The following AGBL4 variants were observed in gnomAD, a reference collection of about 807,000 sequenced individuals.
The protein encoded by AGBL4 is cytosolic carboxypeptidase 6.
A neutral mutation model predicts 66.4 loss-of-function variants in AGBL4; 58 were observed. The observed-to-expected ratio is 0.87, with a 90% CI of 0.71 to 1.09. The LOEUF is 1.09. Among genes scored for constraint, AGBL4 ranks in the 50% least tolerant of loss-of-function variants. The pLI is 0.00. For synonymous variants in AGBL4, 234 were observed against 222.9 expected, an observed-to-expected ratio of 1.05 and a Z score of -0.44; for missense variants, 579 against 631.0, an observed-to-expected ratio of 0.92 and a Z score of 0.88.
At chr1:49,679,497 CTT>C (rs1459685834) in intron 3 of AGBL4, among the ~76,000 whole-genome samples, 1 of 152,038 alleles carries the variant, frequency 6.6e-6, no homozygotes, top group African/African-American at 2.4e-5. Flanking sequence ...GCATCTCTCT[CTT>C]TTATTTAGTC....
At chr1:49,878,952 A>T (rs1198460089) in intron 1 of AGBL4, among the ~76,000 whole-genome samples, 22 of 99,508 alleles carry the variant, frequency 2.2e-4, no homozygotes, top group South Asian at 1.2e-3. Context: ...GTTGGTTTAA[A>T]GTCTGTTTTA....
chr1:49,107,958 A>T (rs1645331304), intron 4 of AGBL4, among the ~76,000 whole-genome samples: 1 of 152,186 alleles, frequency 6.6e-6, no homozygotes, highest in South Asian at 2.1e-4. Context: ...GCTTTGTGCT[A>T]ATTTTACTTG....
chr1:48,685,261 A>G (rs945746311), intron 6 of AGBL4, among the ~76,000 whole-genome samples: 1 of 152,270 alleles, frequency 6.6e-6, no homozygotes, highest in Non-Finnish European at 1.5e-5. Flanking sequence ...TTTAAATTAA[A>G]AAATAATGTC....
At chr1:49,237,515 TATATATATATATATATATA>T (rs1650865394) in intron 4 of AGBL4, among the ~76,000 whole-genome samples, 5 of 136,660 alleles carry the variant, frequency 3.7e-5, no homozygotes, top group African/African-American at 1.5e-4. Context: ...TATTACATTA[TATATATATATATATATATA>T]TATATATATA....
intron 4 of AGBL4, among the ~76,000 whole-genome samples, chr1:49,149,222 C>G (rs940394006): frequency 2.6e-5 from 4 of 152,304 alleles, no homozygotes; most frequent in Middle Eastern, 3.4e-3. Context: ...CCAGAAGTAG[C>G]TGTCCCTATC....
rs964259918 is a variant in AGBL4, at chr1:49,963,919, G to C, written c.34+59844C>G. Reference sequence around the variant, plus strand: ...TGCAATGGAATAATAACTAAGAATGGAATGGAAAGCTGAGTGTCATAAGAA... The same window carrying C: ...TGCAATGGAATAATAACTAAGAATGCAATGGAAAGCTGAGTGTCATAAGAA... On this transcript the variant is annotated intron_variant, in intron 1 of 13. Coordinates refer to ENST00000371839, the MANE Select transcript of AGBL4 (RefSeq NM_032785.4). 5.3e-5 allele frequency among the ~76,000 whole-genome samples: 8 copies of C among 151,992 alleles called. No homozygotes were observed. In the East Asian group the frequency reaches 1.2e-3, roughly 22 times the overall value.
intron 3 of AGBL4, among the ~76,000 whole-genome samples, chr1:49,506,643 A>C (rs1648714826): frequency 6.6e-6 from 1 of 151,724 alleles, no homozygotes; most frequent in South Asian, 2.1e-4. Flanking sequence ...AGTCAATTAA[A>C]CCTCTTTTCT....
the AGBL4 span, among the ~76,000 whole-genome samples, chr1:48,527,700 T>C: frequency 6.6e-6 from 1 of 151,276 alleles, no homozygotes; most frequent in East Asian, 2.0e-4. Context: ...TATCATGAAG[T>C]TGGGACACAT....
Position 49,462,049 on chromosome 1 carries a change from T to C in AGBL4, c.283-216185A>G, listed in dbSNP as rs188626053. Among the ~76,000 whole-genome samples, 535 of 151,892 alleles carry C rather than the reference T, an allele frequency of 3.5e-3. 3 individuals carry two copies. The highest frequency in any genetic ancestry group is 5.3e-3 in the Non-Finnish European group (361 of 67,850). ...AGATCCTTGAGGAATCACCACACCATCTTCCACAATATTAGCTGTGTGACT... is the reference window on the plus strand; with the variant it reads ...AGATCCTTGAGGAATCACCACACCACCTTCCACAATATTAGCTGTGTGACT... On this transcript the variant is annotated intron_variant, in intron 3 of 13. Transcript: ENST00000371839.
chr1:48,541,526 C>G (rs1644069027), intron 11 of AGBL4, among the ~76,000 whole-genome samples: 1 of 152,200 alleles, frequency 6.6e-6, no homozygotes, highest in African/African-American at 2.4e-5. Context: ...AATCTCAGCA[C>G]TTTGGGAGGC....
intron 3 of AGBL4, among the ~76,000 whole-genome samples, chr1:49,510,884 A>G (rs1039016935): frequency 2.0e-5 from 3 of 149,396 alleles, no homozygotes; most frequent in African/African-American, 7.4e-5. Context: ...GTCAAAGATC[A>G]GATAGTTGTA....
intron 3 of AGBL4, among the ~76,000 whole-genome samples, chr1:49,505,169 C>G (rs1175184707): frequency 2.0e-5 from 3 of 151,986 alleles, no homozygotes; most frequent in African/African-American, 7.2e-5. Context: ...CACTTTACAT[C>G]TTTTTATAAT....
intron 3 of AGBL4, among the ~76,000 whole-genome samples, chr1:49,431,618 T>A (rs1645788139): frequency 6.6e-6 from 1 of 152,172 alleles, no homozygotes; most frequent in African/African-American, 2.4e-5. Context: ...ATTTTGTACA[T>A]CTCCATTGTA....
chr1:48,546,280 C>T (rs149542295), intron 11 of AGBL4, among the ~76,000 whole-genome samples: 28 of 152,326 alleles, frequency 1.8e-4, no homozygotes, highest in Admixed American at 4.6e-4. Flanking sequence ...AGCATACGAA[C>T]TTCAGTGTCT....
At chr1:49,329,146 A>C (rs1645280444) in intron 3 of AGBL4, among the ~76,000 whole-genome samples, 1 of 151,110 alleles carries the variant, frequency 6.6e-6, no homozygotes, top group African/African-American at 2.4e-5. Flanking sequence ...GTCTCTACTA[A>C]ATATACAAAA....
At chr1:49,982,579 G>A (rs1659145244) in intron 1 of AGBL4, among the ~76,000 whole-genome samples, 1 of 152,190 alleles carries the variant, frequency 6.6e-6, no homozygotes, top group Non-Finnish European at 1.5e-5. Context: ...CCCCAATGAA[G>A]CCCCACCTTC....
chr1:49,384,524 C>T (rs1215605427), intron 3 of AGBL4, among the ~76,000 whole-genome samples: 4 of 151,796 alleles, frequency 2.6e-5, no homozygotes, highest in African/African-American at 4.8e-5. Context: ...ACCTGGGAGG[C>T]GGAGGTTGCA....
intron 9 of AGBL4, among the ~76,000 whole-genome samples, chr1:48,592,659 T>A (rs1414896564): frequency 6.6e-6 from 1 of 152,010 alleles, no homozygotes; most frequent in Non-Finnish European, 1.5e-5. Context: ...AAGGAGGAGG[T>A]AGAAAGATGA....
At chr1:48,786,559 G>A (rs915965145) in intron 6 of AGBL4, among the ~76,000 whole-genome samples, 25 of 152,290 alleles carry the variant, frequency 1.6e-4, no homozygotes, top group African/African-American at 5.8e-4. Context: ...GGAAAGTCCA[G>A]TATCTACCAT....
Sources: allele counts gnomAD v4.1 joint callset (sites outside exome capture counted in the v4.1 genomes callset), GRCh38; gene constraint gnomAD v4.1.1; transcripts MANE v1.5; gene names NCBI Gene and HGNC (gene_info 2026-07-23, HGNC 2026-07-21).